PSMA8: variants seen among roughly 807,000 people sequenced by gnomAD.
The protein encoded by PSMA8 is proteasome subunit alpha-type 8.
In PSMA8, 18 loss-of-function variants were observed where a neutral mutation model predicts 32.4. That is an observed-to-expected ratio of 0.56 (90% CI 0.38 to 0.82). PSMA8 has a LOEUF of 0.82. Among genes scored for constraint, PSMA8 ranks in the 40% least tolerant of loss-of-function variants. The probability of loss-of-function intolerance (pLI) is 0.00; values close to 1 mark genes in which losing one functional copy is unlikely to be tolerated. For missense variants in PSMA8, 298 were observed against 300.7 expected (o/e 0.99, Z 0.07); for synonymous variants, 104 against 98.1 (o/e 1.06, Z -0.36).
intron 4 of PSMA8, among the ~76,000 whole-genome samples, chr18:26,170,570 G>T (rs1261279728): frequency 7.7e-6 from 1 of 129,402 alleles, no homozygotes; most frequent in Non-Finnish European, 1.5e-5. Context: ...TCTCATAAAT[G>T]GTATCTGATA....
chr18:26,150,332 T>A (rs2055035377), intron 2 of PSMA8, among the ~76,000 whole-genome samples: 1 of 151,342 alleles, frequency 6.6e-6, no homozygotes, highest in Non-Finnish European at 1.5e-5. Context: ...TAAATTTTAA[T>A]TTGATTCCTT....
At chr18:26,171,908 T>C (rs2055224992) in intron 4 of PSMA8, among the ~76,000 whole-genome samples, 1 of 152,232 alleles carries the variant, frequency 6.6e-6, no homozygotes, top group Non-Finnish European at 1.5e-5. Context: ...TCAAACAGCA[T>C]GAGTATCAGC....
chr18:26,173,357 C>T (rs1285109709), intron 4 of PSMA8, among the ~76,000 whole-genome samples: 2 of 152,204 alleles, frequency 1.3e-5, no homozygotes, highest in African/African-American at 2.4e-5. Context: ...CTACCATCCT[C>T]ACCCTCTGAG....
At chr18:26,153,156 G>T (rs771904908) in intron 3 of PSMA8, among the ~76,000 whole-genome samples, 1 of 151,918 alleles carries the variant, frequency 6.6e-6, no homozygotes, top group East Asian at 1.9e-4. Context: ...TTTTATATAT[G>T]CAACATTGTC....
chr18:26,148,834 G>A (rs1002819121), intron 2 of PSMA8, among the ~76,000 whole-genome samples: 9 of 151,900 alleles, frequency 5.9e-5, no homozygotes, highest in South Asian at 2.1e-4. Flanking sequence ...TCAACACCCC[G>A]GAGTAATTTC....
chr18:26,152,091 TTA>T, intron 3 of PSMA8, 109 bp downstream of exon 3: 1 of 688,082 alleles, frequency 1.5e-6, no homozygotes, highest in Non-Finnish European at 2.1e-6. Flanking sequence ...ATTAAATATA[TTA>T]AATTTCTTAT....
chr18:26,140,084 G>T (rs558786949), intron 1 of PSMA8: 60 of 702,874 alleles, frequency 8.5e-5, no homozygotes, highest in Non-Finnish European at 1.5e-4. Flanking sequence ...TTGTGGCCTG[G>T]CATGGATGTC....
At chr18:26,145,969 A>G (rs1276385693) in intron 2 of PSMA8, among the ~76,000 whole-genome samples, 2 of 152,170 alleles carry the variant, frequency 1.3e-5, no homozygotes, top group Admixed American at 6.5e-5. Context: ...AATTCCAACT[A>G]GCAATATATG....
At position 26,133,904 on chromosome 18, in the gene PSMA8, TC is replaced by T. The variant is rs1003193660; in HGVS notation, c.-58del. 14 of 1,436,872 alleles carry T rather than the reference TC, an allele frequency of 9.7e-6. No individual in the cohort carries two copies. In the Admixed American group the frequency reaches 1.7e-4, roughly 17 times the overall value. The allele number at this position is 1,436,872 out of a possible 1,614,324, so 89.0% of individuals were successfully genotyped here. On this transcript the variant is annotated 5_prime_UTR_variant, in exon 1 of 7. Transcript: ENST00000415576. Reference sequence around the variant, plus strand: ...GGTAGCACGCTGTGTTGGCGGCGGCTCCCCGCTTGCCTCAGCTGCAGCAGCG... The same window carrying T: ...GGTAGCACGCTGTGTTGGCGGCGGCTCCCGCTTGCCTCAGCTGCAGCAGCG...
chr18:26,168,296 T>C (rs1342241712), intron 4 of PSMA8, among the ~76,000 whole-genome samples: 1 of 124,024 alleles, frequency 8.1e-6, no homozygotes, highest in Non-Finnish European at 1.5e-5. Context: ...AGGATTTAGC[T>C]CTTACACCAT....
intron 2 of PSMA8, among the ~76,000 whole-genome samples, chr18:26,147,228 A>C (rs1332667947): frequency 6.6e-6 from 1 of 151,856 alleles, no homozygotes; most frequent in Non-Finnish European, 1.5e-5. Flanking sequence ...AAAAAAAAAA[A>C]AAAAGATTGA....
chr18:26,144,061 C>T (rs1381332012), intron 1 of PSMA8, among the ~76,000 whole-genome samples: 1 of 152,084 alleles, frequency 6.6e-6, no homozygotes, highest in East Asian at 1.9e-4. Flanking sequence ...GTTATATATA[C>T]AGCTCACATT....
chr18:26,141,168 AT>A (rs1268671592), intron 1 of PSMA8, among the ~76,000 whole-genome samples: 4 of 151,056 alleles, frequency 2.6e-5, no homozygotes, highest in African/African-American at 7.3e-5. Flanking sequence ...CTTTTTTCTT[AT>A]TTTTCCCCTT....
intron 6 of PSMA8, among the ~76,000 whole-genome samples, chr18:26,183,212 T>C (rs1353311341): frequency 6.7e-6 from 1 of 149,464 alleles, no homozygotes; most frequent in Non-Finnish European, 1.5e-5. Context: ...ATCAATATGG[T>C]GAAACCCTGT....
intron 1 of PSMA8, among the ~76,000 whole-genome samples, chr18:26,144,203 A>G (rs955621219): frequency 2.0e-5 from 3 of 152,310 alleles, no homozygotes; most frequent in Admixed American, 6.5e-5. Context: ...AATTGGTTTC[A>G]TTATACATCA....
At chr18:26,174,805 A>G (rs1440270851) in intron 4 of PSMA8, among the ~76,000 whole-genome samples, 3 of 152,210 alleles carry the variant, frequency 2.0e-5, no homozygotes. Flanking sequence ...TAGCTATTTA[A>G]AGAAATTTAG....
In PSMA8 at chr18:26,167,898, G is replaced by C. The variant is rs1286744967; in HGVS notation, c.477+9654G>C. On this transcript the variant is annotated intron_variant, in intron 4 of 6. Coordinates refer to ENST00000415576, the MANE Select transcript of PSMA8 (RefSeq NM_001025096.2). ...TGTAACTCTTTATTAAGATGGAATT[G>C]TTCTTATTAAAGAAATAGATGAAAA... Among the ~76,000 whole-genome samples the C allele has an allele frequency of 3.7e-5, 3 of 81,818 alleles. 1 individual carries two copies. Among genetic ancestry groups the C allele is most frequent in the African/African-American group, 3.5e-4 (2 of 5,716 alleles). The allele number at this position is 81,818 out of a possible 152,430, so 53.7% of individuals were successfully genotyped here. A position where few individuals can be genotyped will look rare whatever the true frequency, so the allele number is the denominator to read the frequency against.
chr18:26,189,610 G>C (rs2055385553), intron 6 of PSMA8, among the ~76,000 whole-genome samples: 1 of 152,118 alleles, frequency 6.6e-6, no homozygotes, highest in African/African-American at 2.4e-5. Flanking sequence ...TCTCACCCCA[G>C]TTAAAATGGC....
intron 3 of PSMA8, among the ~76,000 whole-genome samples, chr18:26,156,606 A>T (rs913095611): frequency 2.4e-4 from 37 of 151,102 alleles, no homozygotes; most frequent in African/African-American, 8.0e-4. Flanking sequence ...ACACTAAAAA[A>T]GTTGTGTTTG....
Sources: allele counts gnomAD v4.1 joint callset (sites outside exome capture counted in the v4.1 genomes callset), GRCh38; gene constraint gnomAD v4.1.1; transcripts MANE v1.5; gene names NCBI Gene and HGNC (gene_info 2026-07-23, HGNC 2026-07-21).